GRIN2A: variants seen among roughly 807,000 people sequenced by gnomAD.
The protein encoded by GRIN2A is glutamate receptor ionotropic, NMDA 2A.
In GRIN2A, 22 loss-of-function variants were observed where a neutral mutation model predicts 113.4. The observed-to-expected ratio is 0.19, with a 90% CI of 0.14 to 0.28. GRIN2A has a LOEUF of 0.28. GRIN2A is among the 10% of genes least tolerant of loss of function. GRIN2A has a pLI of 1.00. For missense variants in GRIN2A, 1,502 were observed against 1,887.0 expected (o/e 0.80, Z 3.78); for synonymous variants, 827 against 738.4 (o/e 1.12, Z -1.94).
At chr16:9,943,900 T>G (rs1466826463) in intron 2 of GRIN2A, among the ~76,000 whole-genome samples, 1 of 152,200 alleles carries the variant, frequency 6.6e-6, no homozygotes, top group African/African-American at 2.4e-5. Context: ...GATTTATTAG[T>G]TTTTCCTCTG....
At chr16:9,950,131 T>A (rs1210920622) in intron 2 of GRIN2A, among the ~76,000 whole-genome samples, 4 of 152,116 alleles carry the variant, frequency 2.6e-5, no homozygotes, top group Non-Finnish European at 5.9e-5. Context: ...GTGGATTCCT[T>A]CTCTATCAAA....
intron 3 of GRIN2A, among the ~76,000 whole-genome samples, chr16:9,915,877 A>G (rs1164779955): frequency 1.3e-5 from 2 of 152,256 alleles, no homozygotes; most frequent in Non-Finnish European, 2.9e-5. Context: ...ATTAATAAAT[A>G]GAATTTAGCA....
At chr16:9,965,449 G>A (rs1303268199) in intron 2 of GRIN2A, among the ~76,000 whole-genome samples, 1 of 152,192 alleles carries the variant, frequency 6.6e-6, no homozygotes, top group Non-Finnish European at 1.5e-5. Context: ...AGAACACAAA[G>A]CATGTTGGGC....
At chr16:10,063,764 G>T (rs897902223) in intron 2 of GRIN2A, among the ~76,000 whole-genome samples, 6 of 152,142 alleles carry the variant, frequency 3.9e-5, no homozygotes, top group African/African-American at 1.4e-4. Flanking sequence ...AGTGTCCATA[G>T]GAGTCAAAAT....
chr16:9,816,912 C>A (rs1027268975), intron 10 of GRIN2A, among the ~76,000 whole-genome samples: 2 of 152,194 alleles, frequency 1.3e-5, no homozygotes, highest in Non-Finnish European at 2.9e-5. Flanking sequence ...CCTGGGGTCA[C>A]TGACGCTCAT....
intron 2 of GRIN2A, among the ~76,000 whole-genome samples, chr16:10,065,563 A>G (rs1446460837): frequency 6.6e-6 from 1 of 152,144 alleles, no homozygotes; most frequent in African/African-American, 2.4e-5. Flanking sequence ...TTGAACCTCA[A>G]TTTTCTTATC....
At chr16:10,166,164 A>T (rs1315874920) in intron 2 of GRIN2A, among the ~76,000 whole-genome samples, 5 of 152,242 alleles carry the variant, frequency 3.3e-5, no homozygotes, top group Non-Finnish European at 7.3e-5. Context: ...TAGCAAGACG[A>T]TATGGATTTC....
intron 2 of GRIN2A, among the ~76,000 whole-genome samples, chr16:10,040,424 C>T (rs1335530596): frequency 6.6e-6 from 1 of 151,554 alleles, no homozygotes; most frequent in Non-Finnish European, 1.5e-5. Flanking sequence ...ACCACACACA[C>T]TCACAAATAC....
At chr16:9,820,506 A>C (rs904807805) in intron 10 of GRIN2A, among the ~76,000 whole-genome samples, 4 of 152,356 alleles carry the variant, frequency 2.6e-5, no homozygotes, top group African/African-American at 9.6e-5. Flanking sequence ...TAATGGCCCC[A>C]AAATAGGACA....
At chr16:9,806,403 T>C (rs2041967372) in intron 10 of GRIN2A, among the ~76,000 whole-genome samples, 1 of 149,582 alleles carries the variant, frequency 6.7e-6, no homozygotes, top group South Asian at 2.1e-4. Context: ...CTTTCAGCTC[T>C]TGTCAGTTTA....
At chr16:10,074,759 T>C (rs1380582594) in intron 2 of GRIN2A, among the ~76,000 whole-genome samples, 2 of 152,176 alleles carry the variant, frequency 1.3e-5, no homozygotes, top group Non-Finnish European at 2.9e-5. Context: ...GCTAAAAATA[T>C]GAGGTTTCTT....
chr16:9,822,474 G>C, intron 9 of GRIN2A, 50 bp from the exon 10 acceptor site: 1 of 1,155,960 alleles, frequency 8.7e-7, no homozygotes. Flanking sequence ...AGAAAGAGAA[G>C]GGAGGAGGGG....
At chr16:9,908,790 G>T (rs960381152) in intron 3 of GRIN2A, among the ~76,000 whole-genome samples, 15 of 152,206 alleles carry the variant, frequency 9.9e-5, no homozygotes, top group Non-Finnish European at 2.2e-4. Context: ...GATGGATTGC[G>T]TCCAGAGCTG....
chr16:10,162,381 A>C (rs1470002387), intron 2 of GRIN2A, among the ~76,000 whole-genome samples: 2 of 152,188 alleles, frequency 1.3e-5, no homozygotes, highest in Non-Finnish European at 2.9e-5. Context: ...ACCTCTCTGT[A>C]TTCATTTTCC....
At chr16:9,954,209 C>T (rs570811652) in intron 2 of GRIN2A, among the ~76,000 whole-genome samples, 2 of 152,272 alleles carry the variant, frequency 1.3e-5, no homozygotes, top group Non-Finnish European at 2.9e-5. Context: ...TTGCGATATA[C>T]CTTCAATGTT....
At chr16:10,101,256 C>T (rs1161290679) in intron 2 of GRIN2A, among the ~76,000 whole-genome samples, 2 of 152,160 alleles carry the variant, frequency 1.3e-5, no homozygotes, top group Non-Finnish European at 2.9e-5. Flanking sequence ...TATTTTTTCC[C>T]AGGTACTTAT....
chr16:9,999,472 C>G (rs2046284562), intron 2 of GRIN2A, among the ~76,000 whole-genome samples: 1 of 152,144 alleles, frequency 6.6e-6, no homozygotes, highest in Non-Finnish European at 1.5e-5. Flanking sequence ...AACCATCATT[C>G]TCAGCAAACT....
At chr16:10,063,398 T>A (rs1369840639) in intron 2 of GRIN2A, among the ~76,000 whole-genome samples, 2 of 152,188 alleles carry the variant, frequency 1.3e-5, no homozygotes, top group African/African-American at 4.8e-5. Flanking sequence ...GTTAGAATCA[T>A]AGCAAATCAC....
At chr16:9,996,977 C>A (rs1307102030) in intron 2 of GRIN2A, among the ~76,000 whole-genome samples, 2 of 152,126 alleles carry the variant, frequency 1.3e-5, no homozygotes, top group Non-Finnish European at 2.9e-5. Flanking sequence ...AAAACGCCAA[C>A]CTTTACACAA....
Sources: allele counts gnomAD v4.1 joint callset (sites outside exome capture counted in the v4.1 genomes callset), GRCh38; gene constraint gnomAD v4.1.1; transcripts MANE v1.5; gene names NCBI Gene and HGNC (gene_info 2026-07-23, HGNC 2026-07-21).